The following CDHR3 variants were observed in gnomAD, a reference collection of about 807,000 sequenced individuals.
CDHR3 encodes the protein cadherin-related family member 3.
CDHR3 carries 79 observed loss-of-function variants against 86.6 expected under a neutral mutation model. The ratio of observed to expected loss-of-function variants is 0.91; its 90% CI spans 0.76 to 1.10. The LOEUF (loss-of-function observed/expected upper bound fraction) is 1.10, where lower values mean the gene tolerates loss of function less well. Ranked by LOEUF, CDHR3 falls within the 50% of genes least tolerant of loss-of-function variation. CDHR3 has a pLI of 0.00. For missense variants in CDHR3, 1,081 were observed against 1,077.6 expected (o/e 1.00, Z -0.04); for synonymous variants, 421 against 402.4 (o/e 1.05, Z -0.55).
chr7:105,974,700 G>A lies in CDHR3; in HGVS notation c.47-144G>A, dbSNP rs574057851. 3.7e-4 allele frequency: 239 copies of A among 647,422 alleles called. No individual in the cohort carries two copies. In the African/African-American group the frequency reaches 3.8e-3, roughly 10 times the overall value. 40.1% of individuals were successfully genotyped at this position (647,422 alleles called of 1,614,324 possible). A position where few individuals can be genotyped will look rare whatever the true frequency, so the allele number is the denominator to read the frequency against. Reference sequence around the variant, plus strand: ...TCTCACATATACATTGCCAGCACTTGGCAAGAGCGTTTGTTCTCGGGGAGT... The same window carrying A: ...TCTCACATATACATTGCCAGCACTTAGCAAGAGCGTTTGTTCTCGGGGAGT... On this transcript the variant is annotated intron_variant, in intron 1 of 18. Coordinates refer to ENST00000317716, the MANE Select transcript of CDHR3 (RefSeq NM_152750.5).
At chr7:105,999,398 T>C (rs1220414727) in intron 6 of CDHR3, among the ~76,000 whole-genome samples, 1 of 152,170 alleles carries the variant, frequency 6.6e-6, no homozygotes, top group Non-Finnish European at 1.5e-5. Context: ...ATGGACTAGA[T>C]GAGCCTTCAG....
At position 106,016,041 on chromosome 7, in the gene CDHR3, G is replaced by A; in HGVS notation, c.1426+16G>A. 1 of 1,553,202 alleles carries A rather than the reference G, an allele frequency of 6.4e-7. No homozygotes were observed. The highest frequency in any genetic ancestry group is 8.8e-7 in the Non-Finnish European group (1 of 1,130,316). On this transcript the variant is annotated intron_variant, in intron 11 of 18. Coordinates refer to ENST00000317716, the MANE Select transcript of CDHR3 (RefSeq NM_152750.5). ...AGAAGGCCCGGTAAGTAACAGATAA[G>A]ACACAGACCAGAGTGCTGTCAATGG...
chr7:106,022,499 G>C (rs1836727915), intron 14 of CDHR3, 51 bp downstream of exon 14: 1 of 1,585,748 alleles, frequency 6.3e-7, no homozygotes, highest in Non-Finnish European at 8.6e-7. Flanking sequence ...TGTGAGTTAT[G>C]TTGATGGACT....
chr7:106,013,411 G>T (rs1206956774), intron 9 of CDHR3, among the ~76,000 whole-genome samples: 3 of 152,180 alleles, frequency 2.0e-5, no homozygotes, highest in African/African-American at 7.2e-5. Context: ...AGGACCTTGA[G>T]TATGTCTGGG....
At chr7:105,991,996 C>T (rs886550225) in intron 4 of CDHR3, among the ~76,000 whole-genome samples, 1 of 152,186 alleles carries the variant, frequency 6.6e-6, no homozygotes, top group African/African-American at 2.4e-5. Context: ...CCAGAGTCAC[C>T]AAACTTAATT....
At position 105,974,035 on chromosome 7, in the gene CDHR3, G is replaced by C. The variant is rs562858857; in HGVS notation, c.47-809G>C. Among the ~76,000 whole-genome samples the C allele has an allele frequency of 5.1e-4, 78 of 152,336 alleles. 1 individual carries two copies. The South Asian group carries it at 0.015, about 30-fold the overall frequency. The stretch of plus-strand genomic sequence containing the variant: ...TGGGGACACTGTTCAACCCACAACA[G>C]TAATTATCATTATGGAAGGCTGAGA... On this transcript the variant is annotated intron_variant, in intron 1 of 18. Transcript: ENST00000317716.
At chr7:106,015,409 C>T (rs941321218) in intron 10 of CDHR3, among the ~76,000 whole-genome samples, 196 bp downstream of exon 10, 2 of 152,032 alleles carry the variant, frequency 1.3e-5, no homozygotes, top group African/African-American at 4.8e-5. Context: ...CATATGACTT[C>T]CTTGGTTAAA....
chr7:105,987,043 T>A (rs1256667678), intron 4 of CDHR3, among the ~76,000 whole-genome samples: 1 of 152,222 alleles, frequency 6.6e-6, no homozygotes, highest in East Asian at 1.9e-4. Flanking sequence ...TATTTGTTTT[T>A]AAATCTCCAC....
At chr7:105,973,948 C>T (rs1180510444) in intron 1 of CDHR3, among the ~76,000 whole-genome samples, 1 of 152,074 alleles carries the variant, frequency 6.6e-6, no homozygotes, top group Non-Finnish European at 1.5e-5. Flanking sequence ...CAGAGTAAGA[C>T]TGTCTCAAAA....
Position 106,032,755 on chromosome 7 carries a change from T to A in CDHR3, c.*58T>A. Reference sequence around the variant, plus strand: ...AGATGCTGCCTCACCCTAAATTCTATGGGGATGGTGTGGGCATGGTGTAGG... The same window carrying A: ...AGATGCTGCCTCACCCTAAATTCTAAGGGGATGGTGTGGGCATGGTGTAGG... On this transcript the variant is annotated 3_prime_UTR_variant, in exon 19 of 19. Transcript: ENST00000317716. 6.6e-7 allele frequency: 1 copy of A among 1,513,820 alleles called. No individual in the cohort carries two copies. The highest frequency in any genetic ancestry group is 8.9e-7 in the Non-Finnish European group (1 of 1,122,618). The allele number at this position is 1,513,820 out of a possible 1,614,324, so 93.8% of individuals were successfully genotyped here.
At chr7:105,996,139 C>A in intron 5 of CDHR3, 111 bp from the exon 6 acceptor site, 1 of 627,344 alleles carries the variant, frequency 1.6e-6, no homozygotes, top group South Asian at 2.0e-5. Flanking sequence ...AGGCTCACCA[C>A]CAAAGGGGCA....
Position 106,024,416 on chromosome 7 carries a change from T to G in CDHR3, c.2112T>G (p.Val704=). 1 of 1,614,010 alleles carries G rather than the reference T, an allele frequency of 6.2e-7. No individual in the cohort carries two copies. The highest frequency in any genetic ancestry group is 8.5e-7 in the Non-Finnish European group (1 of 1,179,892). Residue 704 remains valine (V), a synonymous_variant, in exon 15 of 19, where the codon GTT becomes GTG. Transcript: ENST00000317716. ...CCTATCAGGTCCTGAGGAAAAACGT[T>G]TACTCTCCATCTGCATGGTACGTGC... The part of the protein sequence containing the change: ...RVTYQVLRKN[V]YSPSAWYVPF...
chr7:105,971,833 A>C (rs963370880), intron 1 of CDHR3, among the ~76,000 whole-genome samples: 1 of 152,166 alleles, frequency 6.6e-6, no homozygotes, highest in Admixed American at 6.5e-5. Context: ...ACACTCCAGC[A>C]CAATTCTTCG....
At chr7:106,029,818 G>A (rs1438494513) in intron 17 of CDHR3, among the ~76,000 whole-genome samples, 1 of 152,208 alleles carries the variant, frequency 6.6e-6, no homozygotes, top group East Asian at 1.9e-4. Context: ...CAGGAAAAGA[G>A]GCAGTCTCAG....
intron 6 of CDHR3, among the ~76,000 whole-genome samples, chr7:105,998,500 G>C (rs1206084901): frequency 6.6e-6 from 1 of 152,186 alleles, no homozygotes; most frequent in South Asian, 2.1e-4. Context: ...TATTATAAAA[G>C]CACCTGACAC....
At chr7:106,027,838 A>C (rs542955344) in intron 16 of CDHR3, among the ~76,000 whole-genome samples, 3 of 152,072 alleles carry the variant, frequency 2.0e-5, no homozygotes, top group South Asian at 4.2e-4. Context: ...TAAAAAGGGG[A>C]TGGGGGCTGG....
chr7:105,968,475 C>T (rs908644706), intron 1 of CDHR3, among the ~76,000 whole-genome samples: 2 of 152,096 alleles, frequency 1.3e-5, no homozygotes, highest in African/African-American at 4.8e-5. Flanking sequence ...ATTCTCCTGC[C>T]TCAGCCTCCC....
At chr7:106,024,969 A>C (rs997567093) in intron 15 of CDHR3, among the ~76,000 whole-genome samples, 3 of 152,184 alleles carry the variant, frequency 2.0e-5, no homozygotes, top group African/African-American at 7.2e-5. Context: ...AAAACCAATA[A>C]GGGAATTAAG....
intron 17 of CDHR3, among the ~76,000 whole-genome samples, chr7:106,029,196 G>T (rs979379492): frequency 6.6e-6 from 1 of 152,062 alleles, no homozygotes; most frequent in Non-Finnish European, 1.5e-5. Flanking sequence ...GGCCAGGCTG[G>T]TCTTGAACTC....
Sources: allele counts gnomAD v4.1 joint callset (sites outside exome capture counted in the v4.1 genomes callset), GRCh38; gene constraint gnomAD v4.1.1; transcripts MANE v1.5; gene names NCBI Gene and HGNC (gene_info 2026-07-23, HGNC 2026-07-21).